DERA: variants seen among roughly 807,000 people sequenced by gnomAD.
The protein encoded by DERA is 2-deoxy-D-ribose 5-phosphate aldolase.
A neutral mutation model predicts 41.1 loss-of-function variants in DERA; 15 were observed. That is an observed-to-expected ratio of 0.37 (90% CI 0.24 to 0.56). The LOEUF is 0.56. Ranked by LOEUF, DERA falls within the 20% of genes least tolerant of loss-of-function variation. The probability of loss-of-function intolerance (pLI) is 0.81; values close to 1 mark genes in which losing one functional copy is unlikely to be tolerated. For synonymous variants in DERA, 139 were observed against 137.4 expected (o/e 1.01, Z -0.08); for missense variants, 396 against 403.4 (o/e 0.98, Z 0.16).
At position 16,032,584 on chromosome 12, in the gene DERA, A is replaced by G; in HGVS notation, c.680A>G (p.Asn227Ser). The G allele has an allele frequency of 6.4e-7, 1 of 1,565,232 alleles. No homozygotes were observed. The highest frequency in any genetic ancestry group is 1.9e-5 in the Admixed American group (1 of 52,636). ...ACCTCTACTGGAAAAGAAACAGTAA[A>G]TGCCACCTTCCCGGTAGCTATAGTA... is the stretch of plus-strand genomic sequence containing the variant. ...IKTSTGKETV[N>S]ATFPVAIVML... The change falls in exon 7 of 9, where the codon AAT becomes AGT. Residue 227 changes from asparagine to serine, a missense_variant. Transcript: ENST00000428559.
rs937897011 is a variant in DERA at position 16,001,257 on chromosome 12, T to TTTTG, written c.637+18837_637+18840dup. Among the ~76,000 whole-genome samples, 1 of 152,174 alleles carries TTTTG rather than the reference T, an allele frequency of 6.6e-6. No homozygotes were observed. The highest frequency in any genetic ancestry group is 1.5e-5 in the Non-Finnish European group (1 of 68,032). On this transcript the variant is annotated intron_variant, in intron 6 of 8. Transcript: ENST00000428559. The surrounding 1 kb of genome is among the most constrained non-coding windows in gnomAD (Gnocchi z 4.1). ...CATTCTGCACATGTTTATCCTATTT[T>TTTTG]TTTGTTTGTTTGTTTGTTTTTAGAA...
At position 15,996,534 on chromosome 12, in the gene DERA, TCTC is replaced by T. The variant is rs1398108571; in HGVS notation, c.637+14102_637+14104del. The stretch of plus-strand genomic sequence containing the variant: ...TCTGTGTGTCTCTGTCTGTGTCTCT[TCTC>T]CTCTTCTTATAAGGAAACCAGTAAT... On this transcript the variant is annotated intron_variant, in intron 6 of 8. Transcript: ENST00000428559. This position sits in a 1 kb window ranked among gnomAD's most constrained non-coding sequence, Gnocchi z 4.7. 8.5e-5 allele frequency among the ~76,000 whole-genome samples: 13 copies of T among 152,216 alleles called. 1 individual carries two copies. In the South Asian group the frequency reaches 1.0e-3, roughly 12 times the overall value.
At chr12:15,926,483 T>TC (rs1190245794) in intron 1 of DERA, among the ~76,000 whole-genome samples, 1 of 152,066 alleles carries the variant, frequency 6.6e-6, no homozygotes, top group African/African-American at 2.4e-5. Flanking sequence ...ACGCCTGTAA[T>TC]CCCAGCACTT....
chr12:15,942,683 G>C (rs1012191897), intron 1 of DERA, among the ~76,000 whole-genome samples: 1 of 152,120 alleles, frequency 6.6e-6, no homozygotes, highest in Non-Finnish European at 1.5e-5. Flanking sequence ...TGTTAGTTTT[G>C]TTATGTCCAG....
At position 15,922,938 on chromosome 12, in the gene DERA, T is replaced by C. The variant is rs893012213; in HGVS notation, c.31+11524T>C. Among the ~76,000 whole-genome samples, 3 of 151,926 alleles carry C rather than the reference T, an allele frequency of 2.0e-5. No homozygotes were observed. Among genetic ancestry groups the C allele is most frequent in the African/African-American group, 4.8e-5 (2 of 41,354 alleles). The stretch of plus-strand genomic sequence containing the variant: ...CTATGCATGTGTGGGGCAAAGCTTG[T>C]GTGGGAAATCTCTGTACCTTCTGTT... On this transcript the variant is annotated intron_variant, in intron 1 of 8. Coordinates refer to ENST00000428559, the MANE Select transcript of DERA (RefSeq NM_015954.4). This position sits in a 1 kb window ranked among gnomAD's most constrained non-coding sequence, Gnocchi z 4.9.
Position 15,915,126 on chromosome 12 carries a change from C to T in DERA, c.31+3712C>T, listed in dbSNP as rs759859940. On this transcript the variant is annotated intron_variant, in intron 1 of 8. Transcript: ENST00000428559. The surrounding 1 kb of genome is among the most constrained non-coding windows in gnomAD (Gnocchi z 4.8). ...TCACTGCCTTCACAGAGCTATTAATCGGTCTGGTTCAGGACCTGGACATCA... is the reference window on the plus strand; with the variant it reads ...TCACTGCCTTCACAGAGCTATTAATTGGTCTGGTTCAGGACCTGGACATCA... Among the ~76,000 whole-genome samples the T allele has an allele frequency of 5.3e-4, 81 of 152,170 alleles. No individual in the cohort carries two copies. The highest frequency in any genetic ancestry group is 1.0e-3 in the South Asian group (5 of 4,834).
intron 6 of DERA, among the ~76,000 whole-genome samples, chr12:16,028,028 T>G (rs932791734): frequency 6.6e-6 from 1 of 152,226 alleles, no homozygotes; most frequent in Non-Finnish European, 1.5e-5. Context: ...AATGCATTAA[T>G]ATACACAGAT....
intron 6 of DERA, among the ~76,000 whole-genome samples, chr12:16,022,046 C>A (rs546367073): frequency 5.9e-5 from 9 of 152,286 alleles, no homozygotes; most frequent in Admixed American, 3.3e-4. Flanking sequence ...AGAGACCAGA[C>A]GCAGAATGAT....
At position 16,036,736 on chromosome 12, in the gene DERA, C is replaced by A; in HGVS notation, c.947C>A (p.Pro316Gln). 1 of 1,596,992 alleles carries A rather than the reference C, an allele frequency of 6.3e-7. No homozygotes were observed. The highest frequency in any genetic ancestry group is 8.5e-7 in the Non-Finnish European group (1 of 1,174,006). The change falls in exon 9 of 9, where the codon CCA (proline) becomes CAA (glutamine). Residue 316 changes from proline to glutamine, a missense_variant. Physicochemically the swap from Pro to Gln is moderately conservative, Grantham distance 76. Coordinates refer to ENST00000428559, the MANE Select transcript of DERA (RefSeq NM_015954.4). The surrounding 1 kb of genome is among the most constrained non-coding windows in gnomAD (Gnocchi z 4.9). ...TGRYAAYHDL[P>Q]MS ...AGATATGCAGCTTATCATGATCTTC[C>A]AATGTCTTAAATCAGTCACCAGTTC...
At chr12:15,963,235 T>C (rs530328053) in intron 5 of DERA, among the ~76,000 whole-genome samples, 1 of 152,314 alleles carries the variant, frequency 6.6e-6, no homozygotes. Flanking sequence ...TTTACCAACA[T>C]GCTTTTTCTT....
Position 15,922,550 on chromosome 12 carries a change from G to A in DERA, c.31+11136G>A, listed in dbSNP as rs1365237842. Among the ~76,000 whole-genome samples, 2 of 152,224 alleles carry A rather than the reference G, an allele frequency of 1.3e-5. No homozygotes were observed. The highest frequency in any genetic ancestry group is 4.8e-5 in the African/African-American group (2 of 41,456). On this transcript the variant is annotated intron_variant, in intron 1 of 8. Coordinates refer to ENST00000428559, the MANE Select transcript of DERA (RefSeq NM_015954.4). The surrounding 1 kb of genome is among the most constrained non-coding windows in gnomAD (Gnocchi z 4.9). ...AATAGGCATTGATGCTGATAATACT[G>A]AAGACCGTCTGAAAGAAAAGCATCC...
intron 6 of DERA, among the ~76,000 whole-genome samples, chr12:16,015,038 A>G (rs778148661): frequency 1.3e-5 from 2 of 152,148 alleles, no homozygotes; most frequent in East Asian, 3.8e-4. Flanking sequence ...CCTGTACCCC[A>G]GTTGTTTCTA....
chr12:15,963,243 C>A lies in DERA; in HGVS notation c.508+296C>A, dbSNP rs77588495. Among the ~76,000 whole-genome samples, 843 of 152,180 alleles carry A rather than the reference C, an allele frequency of 5.5e-3. 29 individuals carry two copies. The East Asian group carries it at 0.11, about 19-fold the overall frequency. ...ATTTTATTTTACCAACATGCTTTTTCTTCAGAAGGGAAAAGTTACTACTAT... is the reference window on the plus strand; with the variant it reads ...ATTTTATTTTACCAACATGCTTTTTATTCAGAAGGGAAAAGTTACTACTAT... On this transcript the variant is annotated intron_variant, in intron 5 of 8. Transcript: ENST00000428559.
In DERA at chr12:15,994,601, C is replaced by G. The variant is rs1405706169; in HGVS notation, c.637+12165C>G. ...CCTGAATAGCTGGGACTACAGGCGC[C>G]TGCAACCACGCCTGGCTAATTTTTT... On this transcript the variant is annotated intron_variant, in intron 6 of 8. Transcript: ENST00000428559. This position sits in a 1 kb window ranked among gnomAD's most constrained non-coding sequence, Gnocchi z 4.8. 6.6e-6 allele frequency among the ~76,000 whole-genome samples: 1 copy of G among 152,158 alleles called. No individual in the cohort carries two copies. The highest frequency in any genetic ancestry group is 1.5e-5 in the Non-Finnish European group (1 of 68,036).
intron 1 of DERA, among the ~76,000 whole-genome samples, chr12:15,937,356 TATC>T (rs1948376105): frequency 6.6e-6 from 1 of 152,244 alleles, no homozygotes; most frequent in Non-Finnish European, 1.5e-5. Context: ...GTATTTTACA[TATC>T]ATATCATGAG....
chr12:15,956,070 A>G lies in DERA; in HGVS notation c.32-866A>G, dbSNP rs139873814. 3.5e-3 allele frequency among the ~76,000 whole-genome samples: 535 copies of G among 152,352 alleles called. 3 individuals are homozygous for G. Among genetic ancestry groups the G allele is most frequent in the African/African-American group, 0.012 (510 of 41,584 alleles). On this transcript the variant is annotated intron_variant, in intron 1 of 8. Transcript: ENST00000428559. ...TACCAAACACTGTTGGATGTTAGAC[A>G]CCCAAAGATGAGTAACATCATGGCT...
rs575197878 is a variant in DERA at position 16,001,988 on chromosome 12, T to TTTA, written c.637+19563_637+19565dup. 2.4e-4 allele frequency among the ~76,000 whole-genome samples: 36 copies of TTTA among 152,270 alleles called. No individual in the cohort carries two copies. In the South Asian group the frequency reaches 7.3e-3, roughly 31 times the overall value. ...TGTAACAGCAAGGTTATTCTTTTTT[T>TTTA]TTATTATTATTATGCTTTAAGTTTT... is the stretch of plus-strand genomic sequence containing the variant. On this transcript the variant is annotated intron_variant, in intron 6 of 8. Coordinates refer to ENST00000428559, the MANE Select transcript of DERA (RefSeq NM_015954.4). This position sits in a 1 kb window ranked among gnomAD's most constrained non-coding sequence, Gnocchi z 4.1.
At chr12:15,934,160 T>C (rs1228061382) in intron 1 of DERA, among the ~76,000 whole-genome samples, 1 of 152,142 alleles carries the variant, frequency 6.6e-6, no homozygotes, top group Non-Finnish European at 1.5e-5. Flanking sequence ...TAGAGTTCCC[T>C]TTTTCCAGGT....
rs1247140311 is a variant in DERA at position 15,936,894 on chromosome 12, T to G, written c.32-20042T>G. ...TCTTGTCTTGTCTTGTCTTGTCCTGTCCTGTCCTGTCCTGTCCTGTCCTGT... is the reference window on the plus strand; with the variant it reads ...TCTTGTCTTGTCTTGTCTTGTCCTGGCCTGTCCTGTCCTGTCCTGTCCTGT... On this transcript the variant is annotated intron_variant, in intron 1 of 8. Transcript: ENST00000428559. This position sits in a 1 kb window ranked among gnomAD's most constrained non-coding sequence, Gnocchi z 4.6. Among the ~76,000 whole-genome samples, 2 of 141,044 alleles carry G rather than the reference T, an allele frequency of 1.4e-5. No individual in the cohort carries two copies. Among genetic ancestry groups the G allele is most frequent in the South Asian group, 2.2e-4 (1 of 4,630 alleles). 92.5% of individuals were successfully genotyped at this position (141,044 alleles called of 152,430 possible). A position where few individuals can be genotyped will look rare whatever the true frequency, so the allele number is the denominator to read the frequency against.
Sources: allele counts gnomAD v4.1 joint callset (sites outside exome capture counted in the v4.1 genomes callset), GRCh38; gene constraint gnomAD v4.1.1; non-coding constraint Gnocchi (gnomAD v3.1); transcripts MANE v1.5; gene names NCBI Gene and HGNC (gene_info 2026-07-23, HGNC 2026-07-21).